ASTN2: variants seen among roughly 807,000 people sequenced by gnomAD.
ASTN2 encodes the protein astrotactin-2.
Under a neutral mutation model 139.8 loss-of-function variants are expected in ASTN2, and 54 were observed. The ratio of observed to expected loss-of-function variants is 0.39; its 90% CI spans 0.31 to 0.48. The LOEUF (loss-of-function observed/expected upper bound fraction) is 0.48, where lower values mean the gene tolerates loss of function less well. Among genes scored for constraint, ASTN2 ranks in the 20% least tolerant of loss-of-function variants. The pLI is 0.95. For missense variants in ASTN2, 1,565 were observed against 1,725.1 expected, an observed-to-expected ratio of 0.91 and a Z score of 1.64; for synonymous variants, 756 against 719.5, an observed-to-expected ratio of 1.05 and a Z score of -0.81.
chr9:117,161,026 A>G (rs1830539076), intron 3 of ASTN2, among the ~76,000 whole-genome samples: 1 of 152,048 alleles, frequency 6.6e-6, no homozygotes. Context: ...CTGAGCTGTG[A>G]AATTTTGGCA....
intron 10 of ASTN2, among the ~76,000 whole-genome samples, chr9:116,942,910 A>T (rs1715637058): frequency 6.6e-6 from 1 of 152,220 alleles, no homozygotes; most frequent in South Asian, 2.1e-4. Context: ...GATAACTTAA[A>T]GCCTTTATAT....
At chr9:117,225,485 C>T (rs941169877) in intron 2 of ASTN2, among the ~76,000 whole-genome samples, 13 of 140,266 alleles carry the variant, frequency 9.3e-5, no homozygotes, top group African/African-American at 1.6e-4. Flanking sequence ...GAGGCCGAGG[C>T]GGGTGGGTCA....
At chr9:117,045,987 C>CGTACGTACGTAT (rs1554772764) in intron 5 of ASTN2, among the ~76,000 whole-genome samples, 1,672 of 141,760 alleles carry the variant, frequency 0.012, 40 homozygotes, top group African/African-American at 0.041. Flanking sequence ...TATGTACGTA[C>CGTACGTACGTAT]GTACGTATGT....
intron 5 of ASTN2, among the ~76,000 whole-genome samples, chr9:117,055,602 CAG>C (rs1226137936): frequency 6.6e-6 from 1 of 152,156 alleles, no homozygotes; most frequent in African/African-American, 2.4e-5. Context: ...ATAAGAATAT[CAG>C]AGGATATTTA....
chr9:117,017,550 A>T (rs904521556), intron 6 of ASTN2, among the ~76,000 whole-genome samples: 1 of 152,202 alleles, frequency 6.6e-6, no homozygotes, highest in African/African-American at 2.4e-5. Context: ...AACAAATCAC[A>T]TAGTCTTGGT....
chr9:116,698,911 G>A lies in ASTN2; in HGVS notation c.2806+26860C>T, dbSNP rs146094774. On this transcript the variant is annotated intron_variant, in intron 16 of 22. Coordinates refer to ENST00000313400, the MANE Select transcript of ASTN2 (RefSeq NM_001365068.1). This position sits in a 1 kb window ranked among gnomAD's most constrained non-coding sequence, Gnocchi z 4.4. ...CAAGGTGAAGTACTAGTCGCTGACC[G>A]TGGTAACTATCGTATACAAGTCTTT... 9 of 1,614,214 alleles carry A rather than the reference G, an allele frequency of 5.6e-6. No individual in the cohort carries two copies. The highest frequency in any genetic ancestry group is 1.1e-5 in the South Asian group (1 of 91,080).
chr9:116,693,771 A>C (rs559813848), intron 16 of ASTN2, among the ~76,000 whole-genome samples: 43 of 152,294 alleles, frequency 2.8e-4, no homozygotes, highest in African/African-American at 9.9e-4. Flanking sequence ...AAAGATTTGG[A>C]ATGATAAGAC....
intron 4 of ASTN2, among the ~76,000 whole-genome samples, chr9:117,110,851 G>C (rs1035770624): frequency 6.6e-6 from 1 of 152,190 alleles, no homozygotes; most frequent in Non-Finnish European, 1.5e-5. Flanking sequence ...TGAGGACCCA[G>C]TGGATGGATC....
intron 11 of ASTN2, among the ~76,000 whole-genome samples, chr9:116,821,465 T>C (rs1423173435): frequency 6.6e-6 from 1 of 152,132 alleles, no homozygotes. Flanking sequence ...TCCACCATTA[T>C]CCCTGGAGCC....
intron 6 of ASTN2, among the ~76,000 whole-genome samples, chr9:117,015,294 C>T (rs1157971926): frequency 6.6e-6 from 1 of 152,148 alleles, no homozygotes; most frequent in African/African-American, 2.4e-5. Context: ...GTTGGGATTA[C>T]AGGTGTGAAC....
chr9:116,705,256 A>G (rs1182769939), intron 16 of ASTN2, among the ~76,000 whole-genome samples: 1 of 152,198 alleles, frequency 6.6e-6, no homozygotes, highest in Non-Finnish European at 1.5e-5. Flanking sequence ...GGATATATAA[A>G]TGCCATTTAG....
chr9:117,344,066 G>C (rs1049797167), intron 1 of ASTN2, among the ~76,000 whole-genome samples: 3 of 151,970 alleles, frequency 2.0e-5, no homozygotes, highest in African/African-American at 7.3e-5. Flanking sequence ...ATCTCCCAAG[G>C]TGGCCCCATC....
chr9:117,034,938 A>T (rs1429172656), intron 6 of ASTN2, among the ~76,000 whole-genome samples: 1 of 152,148 alleles, frequency 6.6e-6, no homozygotes, highest in Non-Finnish European at 1.5e-5. Flanking sequence ...TGTCATAATG[A>T]CCTTTTCTTT....
intron 1 of ASTN2, among the ~76,000 whole-genome samples, chr9:117,392,691 T>C (rs1830574180): frequency 6.6e-6 from 1 of 152,192 alleles, no homozygotes; most frequent in South Asian, 2.1e-4. Flanking sequence ...GTTGAAATTT[T>C]AGAAGGGATA....
chr9:116,994,238 G>A (rs1836947332), intron 7 of ASTN2, among the ~76,000 whole-genome samples: 1 of 152,176 alleles, frequency 6.6e-6, no homozygotes, highest in Non-Finnish European at 1.5e-5. Flanking sequence ...CACAAAAGCT[G>A]TCATGGGCAA....
intron 16 of ASTN2, among the ~76,000 whole-genome samples, chr9:116,681,520 A>T (rs1363542795): frequency 2.0e-5 from 3 of 152,222 alleles, no homozygotes; most frequent in African/African-American, 4.8e-5. Flanking sequence ...ATTGGAAAAA[A>T]CTACTTTAAG....
chr9:117,333,153 G>A (rs1828767577), intron 1 of ASTN2, among the ~76,000 whole-genome samples: 1 of 152,140 alleles, frequency 6.6e-6, no homozygotes, highest in Admixed American at 6.5e-5. Flanking sequence ...TCTCAATCGA[G>A]CTATTTCTAT....
chr9:116,558,653 T>A (rs751522083), intron 19 of ASTN2, among the ~76,000 whole-genome samples: 1 of 152,182 alleles, frequency 6.6e-6, no homozygotes, highest in Non-Finnish European at 1.5e-5. Context: ...AGATGCTTGC[T>A]TTTGTCAAGC....
chr9:116,696,406 T>C (rs1860855042), intron 16 of ASTN2, among the ~76,000 whole-genome samples: 1 of 152,212 alleles, frequency 6.6e-6, no homozygotes, highest in African/African-American at 2.4e-5. Context: ...ATTTTAAAGG[T>C]GGAGAAAATA....
Sources: allele counts gnomAD v4.1 joint callset (sites outside exome capture counted in the v4.1 genomes callset), GRCh38; gene constraint gnomAD v4.1.1; non-coding constraint Gnocchi (gnomAD v3.1); transcripts MANE v1.5; gene names NCBI Gene and HGNC (gene_info 2026-07-23, HGNC 2026-07-21).